ACCSL: variants seen among roughly 807,000 people sequenced by gnomAD.
ACCSL encodes the protein probable inactive 1-aminocyclopropane-1-carboxylate synthase-like protein 2.
Under a neutral mutation model 61.7 loss-of-function variants are expected in ACCSL, and 55 were observed. The ratio of observed to expected loss-of-function variants is 0.89; its 90% CI spans 0.72 to 1.12. The LOEUF is 1.12. Ranked by LOEUF, ACCSL falls within the 50% of genes most tolerant of loss-of-function variation. ACCSL has a pLI of 0.00. For missense variants in ACCSL, 632 were observed against 698.0 expected, an observed-to-expected ratio of 0.91 and a Z score of 1.07; for synonymous variants, 258 against 264.3, an observed-to-expected ratio of 0.98 and a Z score of 0.23.
chr11:44,008,313 GAA>G, the ACCSL span, among the ~76,000 whole-genome samples: 23 of 152,326 alleles, frequency 1.5e-4, no homozygotes, highest in African/African-American at 5.5e-4. Context: ...CCAAATTGCA[GAA>G]AGCTAAGAGA....
chr11:43,946,142 A>C, the ACCSL span, among the ~76,000 whole-genome samples: 12 of 152,322 alleles, frequency 7.9e-5, no homozygotes, highest in East Asian at 1.9e-3. Context: ...GCTGGAGTGC[A>C]GAGACATGAT....
chr11:43,958,585 C>T, the ACCSL span, among the ~76,000 whole-genome samples: 296 of 152,344 alleles, frequency 1.9e-3, 1 homozygote, highest in African/African-American at 6.9e-3. Flanking sequence ...GATAAATTGA[C>T]TCTGTCTAGG....
chr11:44,026,280 CTTTAT>C, the ACCSL span, among the ~76,000 whole-genome samples: 1 of 152,010 alleles, frequency 6.6e-6, no homozygotes, highest in Non-Finnish European at 1.5e-5. Context: ...TTTTCTGATT[CTTTAT>C]TTTATCTGTT....
At chr11:43,977,139 A>T in the ACCSL span, among the ~76,000 whole-genome samples, 10 of 152,284 alleles carry the variant, frequency 6.6e-5, no homozygotes, top group African/African-American at 2.4e-4. Context: ...CAAAGGTGGA[A>T]ACCAGACCCT....
the ACCSL span, among the ~76,000 whole-genome samples, chr11:44,003,948 G>A: frequency 6.6e-6 from 1 of 152,206 alleles, no homozygotes; most frequent in Non-Finnish European, 1.5e-5. Flanking sequence ...GTAGCAGGGA[G>A]CTGTTCCCCC....
chr11:44,031,542 A>G, the ACCSL span, among the ~76,000 whole-genome samples: 3 of 152,284 alleles, frequency 2.0e-5, no homozygotes, highest in Admixed American at 2.0e-4. Context: ...CAATATATTT[A>G]TTGGAGGAAA....
chr11:44,038,063 G>A, the ACCSL span, among the ~76,000 whole-genome samples: 3 of 152,114 alleles, frequency 2.0e-5, no homozygotes, highest in South Asian at 2.1e-4. Flanking sequence ...GAAAATAAAC[G>A]ATGCATGTAA....
rs1320232594 is a variant in ACCSL at position 44,056,113 on chromosome 11, A to G, written c.1185+28A>G. ...GAGCCATTGCTTTCTCTCCTTGGCT[A>G]GGGAAGGAGGAGGAGCCAGGAATAG... is the stretch of plus-strand genomic sequence containing the variant. On this transcript the variant is annotated intron_variant, in intron 10 of 13. Transcript: ENST00000378832. 1.9e-6 allele frequency: 3 copies of G among 1,614,080 alleles called. No individual in the cohort carries two copies. In the African/African-American group the frequency reaches 4.0e-5, roughly 22 times the overall value.
chr11:44,032,348 C>T, the ACCSL span, among the ~76,000 whole-genome samples: 146 of 152,346 alleles, frequency 9.6e-4, no homozygotes, highest in Middle Eastern at 0.02. Context: ...GCTCTGCTTG[C>T]ATGGCTCTTG....
the ACCSL span, among the ~76,000 whole-genome samples, chr11:43,964,778 G>T: frequency 6.6e-6 from 1 of 152,122 alleles, no homozygotes; most frequent in East Asian, 1.9e-4. Flanking sequence ...GGATGCAAGG[G>T]TGATTCAGTG....
At chr11:43,993,428 G>A in the ACCSL span, among the ~76,000 whole-genome samples, 5 of 152,152 alleles carry the variant, frequency 3.3e-5, no homozygotes, top group Admixed American at 2.0e-4. Flanking sequence ...AGTGGGCTGA[G>A]CTGTGTCCTG....
the ACCSL span, among the ~76,000 whole-genome samples, chr11:43,923,334 C>T: frequency 3.3e-5 from 5 of 152,208 alleles, no homozygotes; most frequent in South Asian, 1.0e-3. Flanking sequence ...CTTTTCTGGT[C>T]ATAAACACTT....
the ACCSL span, among the ~76,000 whole-genome samples, chr11:43,949,820 AAAC>A: frequency 5.6e-5 from 7 of 125,078 alleles, no homozygotes; most frequent in African/African-American, 2.1e-4. Flanking sequence ...ATCTCAAAAA[AAAC>A]AAACAAACAA....
the ACCSL span, among the ~76,000 whole-genome samples, chr11:44,031,721 A>T: frequency 1.3e-5 from 2 of 152,208 alleles, no homozygotes; most frequent in Non-Finnish European, 2.9e-5. Flanking sequence ...TTTGAGCCAA[A>T]GTAGACTGAT....
the ACCSL span, among the ~76,000 whole-genome samples, chr11:43,986,701 C>T: frequency 2.6e-5 from 4 of 152,186 alleles, no homozygotes; most frequent in African/African-American, 4.8e-5. Context: ...AATGAAGACC[C>T]AGCCCTTCTC....
At chr11:44,008,413 G>C in the ACCSL span, among the ~76,000 whole-genome samples, 1 of 152,214 alleles carries the variant, frequency 6.6e-6, no homozygotes, top group East Asian at 1.9e-4. Flanking sequence ...ATCTCTCCGG[G>C]ACCTCCCAGG....
chr11:43,949,687 C>T, the ACCSL span, among the ~76,000 whole-genome samples: 8,381 of 152,110 alleles, frequency 0.055, 358 homozygotes, highest in East Asian at 0.1. Context: ...TGGTGGCACA[C>T]GCCTGTAATC....
the ACCSL span, among the ~76,000 whole-genome samples, chr11:44,035,009 C>T: frequency 2.6e-4 from 39 of 152,172 alleles, no homozygotes; most frequent in African/African-American, 9.4e-4. Context: ...AGCAAATACA[C>T]TCTCTTATCC....
chr11:44,049,056 A>G (rs1270740118), intron 1 of ACCSL, among the ~76,000 whole-genome samples: 1 of 152,142 alleles, frequency 6.6e-6, no homozygotes, highest in African/African-American at 2.4e-5. Context: ...AGGAGGTCCA[A>G]TGGCCAGAGT....
Sources: gnomAD v4.1 joint callset for allele counts (sites outside exome capture counted in the v4.1 genomes callset) on GRCh38, gnomAD v4.1.1 for gene constraint, MANE v1.5 for transcripts, NCBI Gene and HGNC (gene_info 2026-07-23, HGNC 2026-07-21) for gene names.